MET: variants seen among roughly 807,000 people sequenced by gnomAD.
The protein encoded by MET is hepatocyte growth factor receptor.
A neutral mutation model predicts 133.1 loss-of-function variants in MET; 48 were observed. The ratio of observed to expected loss-of-function variants is 0.36; its 90% CI spans 0.29 to 0.46. MET has a LOEUF of 0.46. Ranked by LOEUF, MET falls within the 20% of genes least tolerant of loss-of-function variation. The pLI is 1.00. For missense variants in MET, 1,442 were observed against 1,695.9 expected, an observed-to-expected ratio of 0.85 and a Z score of 2.63; for synonymous variants, 628 against 616.5, an observed-to-expected ratio of 1.02 and a Z score of -0.28.
intron 1 of MET, among the ~76,000 whole-genome samples, chr7:116,680,810 C>T (rs38843): frequency 0.6 from 90,263 of 151,566 alleles, 27,794 homozygotes; most frequent in African/African-American, 0.77. Flanking sequence ...GACATGGTGG[C>T]GCACACTTGC....
chr7:116,696,113 C>T (rs998448005), intron 1 of MET, among the ~76,000 whole-genome samples: 5 of 152,146 alleles, frequency 3.3e-5, no homozygotes, highest in African/African-American at 9.7e-5. Context: ...AAGTGATCTG[C>T]CCACCTCAGC....
chr7:116,745,465 T>C (rs1793633998), intron 5 of MET, among the ~76,000 whole-genome samples: 2 of 152,256 alleles, frequency 1.3e-5, no homozygotes, highest in South Asian at 2.1e-4. Context: ...AGAGCCTGCA[T>C]TGTCAAGTCA....
At chr7:116,716,867 C>T (rs961048835) in intron 2 of MET, among the ~76,000 whole-genome samples, 9 of 152,234 alleles carry the variant, frequency 5.9e-5, no homozygotes, top group Non-Finnish European at 4.4e-5. Context: ...CCTGCTTATG[C>T]TGTGCTCCCG....
intron 2 of MET, among the ~76,000 whole-genome samples, chr7:116,726,766 G>A (rs1016956440): frequency 1.3e-5 from 2 of 152,246 alleles, no homozygotes; most frequent in Non-Finnish European, 2.9e-5. Context: ...GCTATACTAA[G>A]GAGCTTAGAC....
chr7:116,698,231 A>G (rs1007429124), intron 1 of MET, among the ~76,000 whole-genome samples: 1 of 152,206 alleles, frequency 6.6e-6, no homozygotes, highest in Non-Finnish European at 1.5e-5. Flanking sequence ...AGGCCCATTC[A>G]TGTTTCCTCA....
chr7:116,779,928 TAAAC>T (rs1056154204), intron 17 of MET, among the ~76,000 whole-genome samples: 1 of 152,164 alleles, frequency 6.6e-6, no homozygotes. Context: ...TAGTAGATAA[TAAAC>T]AAATAAACAA....
At chr7:116,769,158 A>G (rs1794744050) in intron 11 of MET, among the ~76,000 whole-genome samples, 2 of 152,256 alleles carry the variant, frequency 1.3e-5, no homozygotes, top group South Asian at 4.1e-4. Context: ...ATTAACAACT[A>G]TTTAACATCA....
At chr7:116,785,746 G>A (rs939799168) in intron 19 of MET, among the ~76,000 whole-genome samples, 1 of 152,222 alleles carries the variant, frequency 6.6e-6, no homozygotes, top group African/African-American at 2.4e-5. Context: ...GAAAGGAAGA[G>A]ATGAAAGGAG....
chr7:116,679,300 A>T (rs1185255167), intron 1 of MET, among the ~76,000 whole-genome samples: 5 of 152,198 alleles, frequency 3.3e-5, no homozygotes. Context: ...TTGGAATAAG[A>T]TCTATTCTAA....
chr7:116,692,417 G>A (rs977075258), intron 1 of MET, among the ~76,000 whole-genome samples: 1 of 152,158 alleles, frequency 6.6e-6, no homozygotes, highest in Non-Finnish European at 1.5e-5. Flanking sequence ...GTTTTTTCCT[G>A]AGGAATCGGT....
intron 1 of MET, among the ~76,000 whole-genome samples, chr7:116,687,761 A>AGAATTTGAGAATGAATTT: frequency 6.6e-6 from 1 of 152,192 alleles, no homozygotes. Flanking sequence ...ATAAATTCAG[A>AGAATTTGAGAATGAATTT]CCTAAGAGAA....
chr7:116,673,712 C>A (rs930188876), intron 1 of MET, among the ~76,000 whole-genome samples: 2 of 152,202 alleles, frequency 1.3e-5, no homozygotes, highest in Non-Finnish European at 2.9e-5. Flanking sequence ...AAATGATGTA[C>A]ATCATGTTTC....
At chr7:116,722,236 G>C (rs1792521099) in intron 2 of MET, among the ~76,000 whole-genome samples, 1 of 151,004 alleles carries the variant, frequency 6.6e-6, no homozygotes, top group African/African-American at 2.4e-5. Flanking sequence ...TTACCATTAT[G>C]TAATGGCCTT....
chr7:116,735,239 C>T (rs1361472281), intron 3 of MET, among the ~76,000 whole-genome samples: 1 of 152,138 alleles, frequency 6.6e-6, no homozygotes, highest in Non-Finnish European at 1.5e-5. Flanking sequence ...TCTCCAAGTT[C>T]CTAAATGTTG....
intron 10 of MET, 181 bp downstream of exon 10, chr7:116,759,671 C>T (rs989849573): frequency 2.8e-6 from 2 of 718,558 alleles, no homozygotes; most frequent in African/African-American, 3.5e-5. Context: ...CTTGGGCTAA[C>T]CATGTGGAAA....
rs1795169393 is a variant in MET, at chr7:116,781,980, G to C, written c.3523-8G>C. On this transcript the variant is annotated splice_region_variant and splice_polypyrimidine_tract_variant and intron_variant, in intron 17 of 20. Coordinates refer to ENST00000397752, the MANE Select transcript of MET (RefSeq NM_000245.4). ...AGTTTATGCTTTTCTAACTCTCTTTGACTGCAGAATCCAACTGTAAAAGAT... is the reference window on the plus strand; with the variant it reads ...AGTTTATGCTTTTCTAACTCTCTTTCACTGCAGAATCCAACTGTAAAAGAT... 6.3e-7 allele frequency: 1 copy of C among 1,577,582 alleles called. No individual in the cohort carries two copies. Among genetic ancestry groups the C allele is most frequent in the East Asian group, 2.2e-5 (1 of 44,668 alleles).
intron 16 of MET, 57 bp downstream of exon 16, chr7:116,777,526 A>G (rs1046214518): frequency 5.5e-5 from 80 of 1,466,470 alleles, no homozygotes; most frequent in Non-Finnish European, 7.3e-5. Flanking sequence ...AACCTAATAA[A>G]TAGCTTATAA....
At chr7:116,765,548 G>A (rs560500958) in intron 11 of MET, among the ~76,000 whole-genome samples, 1 of 152,132 alleles carries the variant, frequency 6.6e-6, no homozygotes, top group African/African-American at 2.4e-5. Flanking sequence ...GAACACAATA[G>A]GGGTCAAGCA....
In MET at chr7:116,795,783, A is replaced by G. The variant is rs772435465; in HGVS notation, c.3927A>G (p.Pro1309=). 6.2e-7 allele frequency: 1 copy of G among 1,614,232 alleles called. No individual in the cohort carries two copies. Among genetic ancestry groups the G allele is most frequent in the South Asian group, 1.1e-5 (1 of 91,086 alleles). The change falls in exon 20 of 21, where the codon CCA becomes CCG. Residue 1309 remains proline (P), a synonymous_variant. Coordinates refer to ENST00000397752, the MANE Select transcript of MET (RefSeq NM_000245.4). ...GRRLLQPEYC[P]DPLYEVMLKC... ...GACTCCTACAACCCGAATACTGCCCAGACCCCTTGTAAGTAGTCTTTCTGT... is the reference window on the plus strand; with the variant it reads ...GACTCCTACAACCCGAATACTGCCCGGACCCCTTGTAAGTAGTCTTTCTGT...
Sources: gnomAD v4.1 joint callset for allele counts (sites outside exome capture counted in the v4.1 genomes callset) on GRCh38, gnomAD v4.1.1 for gene constraint, MANE v1.5 for transcripts, NCBI Gene and HGNC (gene_info 2026-07-23, HGNC 2026-07-21) for gene names.